The following RETREG3 variants were observed in gnomAD, a reference collection of about 807,000 sequenced individuals.
The protein encoded by RETREG3 is reticulophagy regulator 3.
In RETREG3, 23 loss-of-function variants were observed where a neutral mutation model predicts 50.2. The ratio of observed to expected loss-of-function variants is 0.46; its 90% confidence interval spans 0.33 to 0.65. The LOEUF (loss-of-function observed/expected upper bound fraction) is 0.65, where lower values mean the gene tolerates loss of function less well. RETREG3 is among the 30% of genes least tolerant of loss of function. The pLI, the probability that RETREG3 is intolerant of heterozygous loss-of-function variation, is 0.02. For synonymous variants in RETREG3, 240 were observed against 234.4 expected, an observed-to-expected ratio of 1.02 and a Z score of -0.22; for missense variants, 546 against 598.0, an observed-to-expected ratio of 0.91 and a Z score of 0.91.
rs558846227 is a variant in RETREG3, at chr17:42,592,259, T to C, written c.240-97A>G. On this transcript the variant is annotated intron_variant, in intron 1 of 8. Transcript: ENST00000309428. ...ACGATGGGCTCTGTGGTAAACAGAC[T>C]TGAGGTCTAGCTTTTTTTGTTCTGA... 6.4e-6 allele frequency: 6 copies of C among 938,200 alleles called. No individual in the cohort carries two copies. The East Asian group carries it at 1.5e-4, about 24-fold the overall frequency. The allele number at this position is 938,200 out of a possible 1,614,324, so 58.1% of individuals were successfully genotyped here. A position where few individuals can be genotyped will look rare whatever the true frequency, so the allele number is the denominator to read the frequency against.
chr17:42,589,135 T>A (rs1407760317), intron 2 of RETREG3, among the ~76,000 whole-genome samples: 4 of 151,956 alleles, frequency 2.6e-5, no homozygotes, highest in African/African-American at 9.7e-5. Context: ...GGAGACCCAT[T>A]ATCTACCTGA....
rs146945979 is a variant in RETREG3 at position 42,581,952 on chromosome 17, G to T, written c.1262C>A (p.Ala421Glu). 8.7e-5 allele frequency: 140 copies of T among 1,614,148 alleles called. No individual in the cohort carries two copies. The African/African-American group carries it at 1.7e-3, about 19-fold the overall frequency. ...GCCTCTCGTTGCTCTCTGGGCAGGT[G>T]CTCCAGAAGGGCCTGGTTGGGAGGC... is the stretch of plus-strand genomic sequence containing the variant. The part of the protein sequence containing the change: ...SGASQPGPSG[A>E]PAQRATRGFL... The change falls in exon 9 of 9, where the codon GCA becomes GAA. Residue 421 changes from alanine to glutamate, a missense_variant. By Grantham distance (107) the Ala-to-Glu change is moderately radical (BLOSUM62 -1). Coordinates refer to ENST00000309428, the MANE Select transcript of RETREG3 (RefSeq NM_178126.4).
At chr17:42,603,159 G>A (rs747913975) in intron 1 of RETREG3, among the ~76,000 whole-genome samples, 74 of 152,098 alleles carry the variant, frequency 4.9e-4, no homozygotes, top group Middle Eastern at 3.4e-3. Flanking sequence ...CAGAAACATC[G>A]TGAGAAATTC....
At chr17:42,588,995 T>C (rs12951632) in intron 2 of RETREG3, among the ~76,000 whole-genome samples, 38,445 of 151,562 alleles carry the variant, frequency 0.25, 5,214 homozygotes, top group South Asian at 0.48. Context: ...GAGCTAGGTG[T>C]AGTGATGCTC....
In RETREG3 at chr17:42,581,540, A is replaced by C; in HGVS notation, c.*273T>G. On this transcript the variant is annotated 3_prime_UTR_variant, in exon 9 of 9. Transcript: ENST00000309428. ...CAAAGGGGAACCAATATCCCTGACT[A>C]TTTTGTTCCCCCAAAGTACCATCCT... is the stretch of plus-strand genomic sequence containing the variant. The C allele has an allele frequency of 2.6e-6, 1 of 385,612 alleles. No homozygotes were observed. Among genetic ancestry groups the C allele is most frequent in the Non-Finnish European group, 4.7e-6 (1 of 214,446 alleles). The allele number at this position is 385,612 out of a possible 1,614,324, so 23.9% of individuals were successfully genotyped here. A position where few individuals can be genotyped will look rare whatever the true frequency, so the allele number is the denominator to read the frequency against.
intron 2 of RETREG3, among the ~76,000 whole-genome samples, chr17:42,591,006 T>C (rs1284335091): frequency 1.3e-5 from 2 of 152,066 alleles, no homozygotes; most frequent in Non-Finnish European, 2.9e-5. Flanking sequence ...AAAAACCTAA[T>C]CCCAACATAC....
At chr17:42,596,260 TA>T (rs1249577068) in intron 1 of RETREG3, among the ~76,000 whole-genome samples, 2 of 147,640 alleles carry the variant, frequency 1.4e-5, no homozygotes, top group Non-Finnish European at 3.0e-5. Context: ...TAGTCTCAGC[TA>T]CTCAGGAGGC....
At chr17:42,606,482 T>C (rs1046588162) in intron 1 of RETREG3, among the ~76,000 whole-genome samples, 3 of 151,758 alleles carry the variant, frequency 2.0e-5, no homozygotes, top group African/African-American at 7.3e-5. Flanking sequence ...GTGCCTGCAA[T>C]CCTAGCTACT....
At chr17:42,604,708 A>C (rs1029845250) in intron 1 of RETREG3, among the ~76,000 whole-genome samples, 12 of 151,756 alleles carry the variant, frequency 7.9e-5, no homozygotes, top group East Asian at 5.8e-4. Flanking sequence ...AAAAAAAAAA[A>C]AAAAAAAAAA....
Position 42,586,757 on chromosome 17 carries a change from A to G in RETREG3, c.504+8T>C, listed in dbSNP as rs1487394384. 5 of 1,612,876 alleles carry G rather than the reference A, an allele frequency of 3.1e-6. No individual in the cohort carries two copies. Among genetic ancestry groups the G allele is most frequent in the Non-Finnish European group, 4.2e-6 (5 of 1,179,246 alleles). On this transcript the variant is annotated splice_region_variant and intron_variant, in intron 4 of 8. Transcript: ENST00000309428. Reference sequence around the variant, plus strand: ...CAGAGATGAAAGTGAAAAAGGGAAGAGTCTTACCTTGCCTGGGTTTTGCTT... The same window carrying G: ...CAGAGATGAAAGTGAAAAAGGGAAGGGTCTTACCTTGCCTGGGTTTTGCTT...
rs527264911 is a variant in RETREG3, at chr17:42,600,710, T to G, written c.239+8376A>C. On this transcript the variant is annotated intron_variant, in intron 1 of 8. Transcript: ENST00000309428. The stretch of plus-strand genomic sequence containing the variant: ...TTTAAGCTTTCCATAATAAAATATT[T>G]TTAAAATGATCCATTATCCACATAT... 1.2e-3 allele frequency among the ~76,000 whole-genome samples: 180 copies of G among 152,342 alleles called. 4 individuals are homozygous for G. In the South Asian group the frequency reaches 0.036, roughly 31 times the overall value.
chr17:42,596,359 CAAAAAAAAAAAAAAAAAAAAAAAAAAAAA>C (rs60457978), intron 1 of RETREG3, among the ~76,000 whole-genome samples: 4 of 64,728 alleles, frequency 6.2e-5, no homozygotes, highest in African/African-American at 6.6e-5. Flanking sequence ...GACCCTTTCT[CAAAAAAAAAAAAAAAAAAAAAAAAAAAAA>C]AAAAAAAAAA....
chr17:42,590,616 G>A (rs1377862794), intron 2 of RETREG3, among the ~76,000 whole-genome samples: 1 of 152,000 alleles, frequency 6.6e-6, no homozygotes, highest in Non-Finnish European at 1.5e-5. Context: ...AGGCCACAGT[G>A]AGCCATGATT....
At chr17:42,595,242 C>T (rs1480387842) in intron 1 of RETREG3, among the ~76,000 whole-genome samples, 2 of 152,022 alleles carry the variant, frequency 1.3e-5, no homozygotes, top group African/African-American at 4.8e-5. Flanking sequence ...GCTGGGATTA[C>T]AGGCATGAGC....
At chr17:42,585,064 A>G (rs760946957) in intron 6 of RETREG3, 61 bp downstream of exon 6, 103 of 1,588,400 alleles carry the variant, frequency 6.5e-5, no homozygotes, top group Admixed American at 8.4e-5. Context: ...TGTCAGACCT[A>G]TGGGCTTCTC....
chr17:42,585,277 G>C lies in RETREG3; in HGVS notation c.590-15C>G, dbSNP rs766275685. On this transcript the variant is annotated splice_polypyrimidine_tract_variant and intron_variant, in intron 5 of 8. Coordinates refer to ENST00000309428, the MANE Select transcript of RETREG3 (RefSeq NM_178126.4). ...GACAGTGACAACTGTGAGGAGGCAT[G>C]GGAAACAGTGACAAAATGGAGAAGG... is the stretch of plus-strand genomic sequence containing the variant. The C allele has an allele frequency of 1.9e-5, 30 of 1,610,686 alleles. No homozygotes were observed. Among genetic ancestry groups the C allele is most frequent in the Admixed American group, 5.0e-5 (3 of 59,882 alleles).
At chr17:42,594,467 T>C (rs1314821741) in intron 1 of RETREG3, among the ~76,000 whole-genome samples, 1 of 151,192 alleles carries the variant, frequency 6.6e-6, no homozygotes, top group African/African-American at 2.4e-5. Context: ...GGCAGGAGAA[T>C]CGCCTGAACC....
intron 2 of RETREG3, among the ~76,000 whole-genome samples, chr17:42,588,649 A>T (rs2093126138): frequency 6.6e-6 from 1 of 150,938 alleles, no homozygotes. Flanking sequence ...TACCCAGCCG[A>T]AATCTGCCTG....
intron 2 of RETREG3, among the ~76,000 whole-genome samples, chr17:42,590,678 AAG>A (rs898011610): frequency 1.3e-5 from 2 of 151,766 alleles, no homozygotes; most frequent in African/African-American, 4.8e-5. Context: ...TCTGAAAAAA[AAG>A]AATGCGCCAG....
Sources: allele counts gnomAD v4.1 joint callset (sites outside exome capture counted in the v4.1 genomes callset), GRCh38; gene constraint gnomAD v4.1.1; transcripts MANE v1.5; gene names NCBI Gene and HGNC (gene_info 2026-07-23, HGNC 2026-07-21).